The following CCNT2 variants were observed in gnomAD, a reference collection of about 807,000 sequenced individuals.
The protein encoded by CCNT2 is cyclin-T2.
A neutral mutation model predicts 70.0 loss-of-function variants in CCNT2; 18 were observed. The observed-to-expected ratio is 0.26, with a 90% CI of 0.18 to 0.38. The LOEUF (loss-of-function observed/expected upper bound fraction) is 0.38. Ranked by LOEUF, CCNT2 falls within the 10% of genes least tolerant of loss-of-function variation. The probability of loss-of-function intolerance (pLI) is 1.00; values close to 1 mark genes in which losing one functional copy is unlikely to be tolerated. For synonymous variants in CCNT2, 334 were observed against 313.3 expected, an observed-to-expected ratio of 1.07 and a Z score of -0.70; for missense variants, 734 against 890.2, an observed-to-expected ratio of 0.82 and a Z score of 2.23.
chr2:134,936,727 C>A, intron 2 of CCNT2, 114 bp from the exon 3 acceptor site: 1 of 828,334 alleles, frequency 1.2e-6, no homozygotes, highest in Non-Finnish European at 1.8e-6. Context: ...GCACTCCAGC[C>A]TGGGCAACAG....
intron 7 of CCNT2, among the ~76,000 whole-genome samples, chr2:134,951,251 G>A (rs1682476188): frequency 1.3e-5 from 2 of 152,020 alleles, no homozygotes; most frequent in Non-Finnish European, 2.9e-5. Flanking sequence ...AAAAAAGCTT[G>A]CTATTACAAA....
chr2:134,925,447 C>T (rs6740755), intron 2 of CCNT2, among the ~76,000 whole-genome samples: 32,424 of 151,838 alleles, frequency 0.21, 3,947 homozygotes, highest in Middle Eastern at 0.58. Flanking sequence ...AAAGAAACCC[C>T]CAACCCCGCA....
intron 2 of CCNT2, among the ~76,000 whole-genome samples, chr2:134,924,763 C>T (rs1194795091): frequency 2.0e-5 from 3 of 152,058 alleles, no homozygotes; most frequent in Non-Finnish European, 4.4e-5. Context: ...TATTCTTACT[C>T]TAATCACTTT....
chr2:134,950,981 C>T (rs182883788), intron 7 of CCNT2, among the ~76,000 whole-genome samples: 146 of 151,170 alleles, frequency 9.7e-4, no homozygotes, highest in African/African-American at 3.4e-3. Flanking sequence ...AAGTTGTTAA[C>T]AGAAATTGAG....
chr2:134,919,719 T>G, intron 1 of CCNT2, 91 bp from the exon 2 acceptor site: 1 of 938,010 alleles, frequency 1.1e-6, no homozygotes, highest in East Asian at 2.5e-5. Context: ...GAATGGGAGG[T>G]ATTGGAAAAG....
chr2:134,924,261 A>C (rs1035387553), intron 2 of CCNT2, among the ~76,000 whole-genome samples: 1 of 152,212 alleles, frequency 6.6e-6, no homozygotes, highest in Non-Finnish European at 1.5e-5. Context: ...GTAACTGTAC[A>C]TATATGAGAT....
intron 2 of CCNT2, among the ~76,000 whole-genome samples, chr2:134,925,859 C>CTTTTTTTTT (rs3041372): frequency 1.2e-5 from 1 of 85,264 alleles, no homozygotes; most frequent in African/African-American, 5.1e-5. Context: ...GGATAGCTGC[C>CTTTTTTTTT]TTTTTTTTTT....
At chr2:134,943,907 T>C (rs1681754156) in intron 5 of CCNT2, 1 of 968,756 alleles carries the variant, frequency 1.0e-6, no homozygotes, top group African/African-American at 1.8e-5. Context: ...GAGTACGACT[T>C]TTGAAAATCT....
At chr2:134,943,582 T>G in intron 5 of CCNT2, 1 of 985,240 alleles carries the variant, frequency 1.0e-6, no homozygotes, top group Non-Finnish European at 1.2e-6. Context: ...TTAAGCGTCT[T>G]GTTTATAAAC....
intron 3 of CCNT2, 114 bp from the exon 4 acceptor site, chr2:134,938,888 A>G: frequency 1.6e-6 from 1 of 615,672 alleles, no homozygotes; most frequent in Non-Finnish European, 2.8e-6. Context: ...CCATATTTTC[A>G]AACTACTGTG....
rs936822836 is a variant in CCNT2, at chr2:134,944,798, C to G, written c.494-1303C>G. 3.0e-6 allele frequency: 3 copies of G among 985,220 alleles called. No individual in the cohort carries two copies. In the African/African-American group the frequency reaches 5.2e-5, roughly 17 times the overall value. The allele number at this position is 985,220 out of a possible 1,614,324, so 61.0% of individuals were successfully genotyped here. A position where few individuals can be genotyped will look rare whatever the true frequency, so the allele number is the denominator to read the frequency against. ...TTACAACTTTTAGCTAACAGCATTT[C>G]CCCTCTATTCTCTGTTGCACAGTGA... is the stretch of plus-strand genomic sequence containing the variant. On this transcript the variant is annotated intron_variant, in intron 5 of 8. Coordinates refer to ENST00000264157, the MANE Select transcript of CCNT2 (RefSeq NM_058241.3).
intron 5 of CCNT2, chr2:134,944,670 A>G: frequency 3.1e-6 from 3 of 982,236 alleles, no homozygotes; most frequent in Non-Finnish European, 3.6e-6. Context: ...TATATGTTTA[A>G]TGTCATTTTG....
intron 2 of CCNT2, among the ~76,000 whole-genome samples, chr2:134,923,971 G>C (rs1339418382): frequency 6.6e-6 from 1 of 152,116 alleles, no homozygotes; most frequent in African/African-American, 2.4e-5. Context: ...AATCCAATGA[G>C]GTCCTCTTTA....
At position 134,954,218 on chromosome 2, in the gene CCNT2, A is replaced by T. The variant is rs1327998854; in HGVS notation, c.1763A>T (p.Lys588Ile). The change falls in exon 9 of 9, where the codon AAA becomes ATA. Residue 588 changes from lysine to isoleucine, a missense_variant. By Grantham distance (102) the Lys-to-Ile change is moderately radical. Around this residue, in one of 3 missense-constraint regions of CCNT2, gnomAD observed 532 missense variants for 556.9 expected, o/e 0.96. Transcript: ENST00000264157. ...SHSGSSSGGS[K>I]HSADGIPPTV... Reference sequence around the variant, plus strand: ...AGTGGCAGCAGCAGCGGTGGCAGTAAACACAGTGCCGACGGAATACCACCC... The same window carrying T: ...AGTGGCAGCAGCAGCGGTGGCAGTATACACAGTGCCGACGGAATACCACCC... The T allele has an allele frequency of 1.1e-5, 17 of 1,613,978 alleles. No individual in the cohort carries two copies. Among genetic ancestry groups the T allele is most frequent in the Non-Finnish European group, 1.4e-5 (17 of 1,180,006 alleles).
At chr2:134,929,871 G>T (rs1003080023) in intron 2 of CCNT2, among the ~76,000 whole-genome samples, 1 of 151,370 alleles carries the variant, frequency 6.6e-6, no homozygotes, top group Non-Finnish European at 1.5e-5. Context: ...GCCTGGTCTC[G>T]AACTCCTGAC....
chr2:134,949,284 A>G (rs1433033703), intron 7 of CCNT2, among the ~76,000 whole-genome samples: 2 of 152,166 alleles, frequency 1.3e-5, no homozygotes, highest in African/African-American at 4.8e-5. Context: ...GCCCCACCTG[A>G]TGTTTCTTTA....
intron 4 of CCNT2, 138 bp downstream of exon 4, chr2:134,939,200 G>T: frequency 1.7e-6 from 1 of 591,730 alleles, no homozygotes; most frequent in Non-Finnish European, 3.0e-6. Context: ...AAGGTTGCCT[G>T]GTTATAAGGA....
At chr2:134,932,218 C>G (rs1680832355) in intron 2 of CCNT2, among the ~76,000 whole-genome samples, 1 of 152,066 alleles carries the variant, frequency 6.6e-6, no homozygotes, top group Non-Finnish European at 1.5e-5. Context: ...ACCTGTTGGT[C>G]TCAAACTCCT....
chr2:134,936,616 G>A (rs1041402839), intron 2 of CCNT2, among the ~76,000 whole-genome samples: 3 of 151,902 alleles, frequency 2.0e-5, no homozygotes, highest in Admixed American at 2.0e-4. Context: ...TAGCCAGTGT[G>A]GTGGTGCATG....
Sources: gnomAD v4.1 joint callset for allele counts (sites outside exome capture counted in the v4.1 genomes callset) on GRCh38, gnomAD v4.1.1 for gene constraint, gnomAD v4.1.1 regional missense constraint, MANE v1.5 for transcripts, NCBI Gene and HGNC (gene_info 2026-07-23, HGNC 2026-07-21) for gene names.